Variants in FABP6 observed in about 807,000 individuals in gnomAD.
FABP6 encodes the protein fatty acid binding protein 6.
In FABP6, 13 loss-of-function variants were observed where a neutral mutation model predicts 14.9. That is an observed-to-expected ratio of 0.87 (90% CI 0.57 to 1.39). The LOEUF is 1.39. Among genes scored for constraint, FABP6 ranks in the 40% most tolerant of loss-of-function variants. The pLI is 0.00. For missense variants in FABP6, 161 were observed against 167.2 expected (o/e 0.96, Z 0.20); for synonymous variants, 75 against 63.6 (o/e 1.18, Z -0.85).
At chr5:160,213,918 C>T (rs1020824533) in intron 3 of FABP6, 15 of 947,760 alleles carry the variant, frequency 1.6e-5, no homozygotes, top group African/African-American at 1.3e-4. Flanking sequence ...CCCTGGGCTC[C>T]TTGAGATCCT....
chr5:160,188,241 TC>T (rs1759326991), intron 1 of FABP6, among the ~76,000 whole-genome samples: 1 of 152,046 alleles, frequency 6.6e-6, no homozygotes, highest in Non-Finnish European at 1.5e-5. Context: ...CGGCCTCTCC[TC>T]CCGATTCCTT....
chr5:160,188,780 A>T (rs186081466), intron 1 of FABP6, among the ~76,000 whole-genome samples: 4 of 152,052 alleles, frequency 2.6e-5, no homozygotes, highest in Non-Finnish European at 5.9e-5. Context: ...GGCTGGACTC[A>T]TTTCTGCAAG....
chr5:160,232,002 G>C lies in FABP6; in HGVS notation c.68-96G>C, dbSNP rs770049614. On this transcript the variant is annotated intron_variant, in intron 1 of 3. Transcript: ENST00000402432. ...GCAGGCTAGCCTATCATGCACAAGG[G>C]GGTAGGGCGGTGGGGGTGGGCAGGA... is the stretch of plus-strand genomic sequence containing the variant. 297 of 1,401,578 alleles carry C rather than the reference G, an allele frequency of 2.1e-4. 1 individual carries two copies. The highest frequency in any genetic ancestry group is 2.7e-4 in the Non-Finnish European group (279 of 1,023,840). The allele number at this position is 1,401,578 out of a possible 1,614,324, so 86.8% of individuals were successfully genotyped here.
At chr5:160,193,742 TAG>T (rs1346187404) in intron 1 of FABP6, among the ~76,000 whole-genome samples, 2 of 152,130 alleles carry the variant, frequency 1.3e-5, no homozygotes, top group Non-Finnish European at 2.9e-5. Flanking sequence ...TTGAGCTAGA[TAG>T]AGAGTGCCGA....
Position 160,194,245 on chromosome 5 carries a change from C to T in FABP6, c.-58-4804C>T, listed in dbSNP as rs375394303. ...GCAACTCCAGCTGGCCCGCAAGCGC[C>T]GCACGCATCCGCACGCAGCCCCAGT... On this transcript the variant is annotated intron_variant, in intron 1 of 6. Coordinates refer to the FABP6 transcript ENST00000393980. Among the ~76,000 whole-genome samples, 43 of 152,346 alleles carry T rather than the reference C, an allele frequency of 2.8e-4. 1 individual carries two copies. The highest frequency in any genetic ancestry group is 1.4e-3 in the South Asian group (7 of 4,832).
At chr5:160,214,130 TCTTTCTTTCTTTCTTTCTTTCTTTC>T (rs1192473177) in intron 3 of FABP6, among the ~76,000 whole-genome samples, 1 of 148,000 alleles carries the variant, frequency 6.8e-6, no homozygotes, top group African/African-American at 2.5e-5. Context: ...TTTCTTTCTT[TCTTTCTTTCTTTCTTTCTTTCTTTC>T]TTTCCTTCTT....
At chr5:160,192,329 G>T (rs529278668) in intron 1 of FABP6, among the ~76,000 whole-genome samples, 9 of 24,762 alleles carry the variant, frequency 3.6e-4, no homozygotes, top group Non-Finnish European at 7.4e-4. Context: ...GCCCGGCCTC[G>T]CCAGTCTTAT....
At chr5:160,201,200 A>T (rs1252411646) in intron 2 of FABP6, among the ~76,000 whole-genome samples, 1 of 152,060 alleles carries the variant, frequency 6.6e-6, no homozygotes, top group Admixed American at 6.5e-5. Context: ...TAAAAAAAAA[A>T]TACACAAATT....
intron 3 of FABP6, among the ~76,000 whole-genome samples, chr5:160,237,417 T>C (rs1419721004): frequency 6.6e-6 from 1 of 152,046 alleles, no homozygotes; most frequent in Admixed American, 6.5e-5. Flanking sequence ...ATAAACAAAG[T>C]TGCATGACTA....
At chr5:160,201,610 G>A (rs888247203) in intron 2 of FABP6, among the ~76,000 whole-genome samples, 1 of 151,974 alleles carries the variant, frequency 6.6e-6, no homozygotes, top group Non-Finnish European at 1.5e-5. Context: ...CAGAGTTGGG[G>A]GAGGAGCCAG....
chr5:160,221,677 A>G (rs1760131054), intron 3 of FABP6, among the ~76,000 whole-genome samples: 1 of 150,256 alleles, frequency 6.7e-6, no homozygotes. Context: ...GGATTTGTCC[A>G]TTTGGCAAGT....
chr5:160,213,014 G>T (rs1052450106), intron 2 of FABP6, among the ~76,000 whole-genome samples: 2 of 152,162 alleles, frequency 1.3e-5, no homozygotes, highest in African/African-American at 2.4e-5. Flanking sequence ...GAATCTTTGG[G>T]GAGAGGTAAC....
intron 2 of FABP6, among the ~76,000 whole-genome samples, chr5:160,209,688 T>C (rs908587563): frequency 6.6e-6 from 1 of 152,092 alleles, no homozygotes; most frequent in African/African-American, 2.4e-5. Context: ...AAAACTGCAA[T>C]AAATCATCGT....
rs376359481 is a variant in FABP6, at chr5:160,213,871, G to A, written c.135+52G>A. ...GGTTCCTGACGTTTTTCAGATTCTG[G>A]TTCTAGTTCCTCATGAACCTAGACT... On this transcript the variant is annotated intron_variant, in intron 3 of 6. Transcript: ENST00000393980. 29 of 1,463,836 alleles carry A rather than the reference G, an allele frequency of 2.0e-5. No individual in the cohort carries two copies. In the African/African-American group the frequency reaches 3.6e-4, roughly 18 times the overall value. The allele number at this position is 1,463,836 out of a possible 1,614,324, so 90.7% of individuals were successfully genotyped here.
intron 1 of FABP6, chr5:160,197,791 G>C (rs1422124772): frequency 3.8e-5 from 4 of 105,022 alleles, no homozygotes; most frequent in African/African-American, 1.5e-4. Flanking sequence ...GAGAGGCAGT[G>C]GGAGCTGGAA....
intron 1 of FABP6, among the ~76,000 whole-genome samples, chr5:160,229,826 ATTTTATTTTAT>A (rs1379633502): frequency 0.012 from 4 of 322 alleles, no homozygotes; most frequent in African/African-American, 0.031. Context: ...TAACTTTTTT[ATTTTATTTTAT>A]TTTATTTTAT....
upstream of FABP6, chr5:160,229,359 C>T (rs575696136): frequency 1.2e-5 from 16 of 1,291,096 alleles, no homozygotes; most frequent in South Asian, 1.1e-4. Flanking sequence ...TGAATAACCT[C>T]GGGGCTCTGT....
intron 2 of FABP6, among the ~76,000 whole-genome samples, chr5:160,203,842 T>C (rs1759700406): frequency 6.6e-6 from 1 of 151,972 alleles, no homozygotes; most frequent in Non-Finnish European, 1.5e-5. Flanking sequence ...GCTGGGATTA[T>C]AGGCACGCGC....
chr5:160,224,124 T>TACTC (rs1450765884), intron 3 of FABP6, among the ~76,000 whole-genome samples: 2 of 151,904 alleles, frequency 1.3e-5, no homozygotes, highest in Non-Finnish European at 2.9e-5. Context: ...TAGTCCCAGC[T>TACTC]ACTCAGGAGG....
Sources: allele counts gnomAD v4.1 joint callset (sites outside exome capture counted in the v4.1 genomes callset), GRCh38; gene constraint gnomAD v4.1.1; transcripts MANE v1.5; gene names NCBI Gene and HGNC (gene_info 2026-07-23, HGNC 2026-07-21).